Variants in VEGFC observed in about 807,000 individuals in gnomAD.
VEGFC encodes FLT4 ligand DHM.
In VEGFC, 12 loss-of-function variants were observed where a neutral mutation model predicts 46.1. The ratio of observed to expected loss-of-function variants is 0.26; its 90% confidence interval spans 0.17 to 0.42. VEGFC has a LOEUF of 0.42. Among genes scored for constraint, VEGFC ranks in the 10% least tolerant of loss-of-function variants. The pLI, the probability that VEGFC is intolerant of heterozygous loss-of-function variation, is 1.00. For synonymous variants in VEGFC, 232 were observed against 195.5 expected (o/e 1.19, Z -1.56); for missense variants, 488 against 529.4 (o/e 0.92, Z 0.77).
intron 1 of VEGFC, among the ~76,000 whole-genome samples, chr4:176,735,937 T>G (rs1735045921): frequency 1.3e-5 from 2 of 151,896 alleles, no homozygotes; most frequent in Non-Finnish European, 2.9e-5. Context: ...TTCTATAATA[T>G]CTTAAATAGC....
chr4:176,710,640 T>G (rs1406211290), intron 4 of VEGFC, among the ~76,000 whole-genome samples: 2 of 152,186 alleles, frequency 1.3e-5, no homozygotes, highest in African/African-American at 2.4e-5. Flanking sequence ...ATCAATTTAT[T>G]TATACATTTG....
chr4:176,729,588 C>A lies in VEGFC; in HGVS notation c.306G>T (p.Arg102Ser). ...HNREQANLNSRTEETIKFAAA... is the reference protein window; with the variant it reads ...HNREQANLNSSTEETIKFAAA... ...CAGCAAATTTTATAGTCTCTTCTGT[C>A]CTTGAGTTGAGGTTGGCCTGTTCTC... The change falls in exon 2 of 7, where the codon AGG becomes AGT. Residue 102 changes from arginine (R) to serine (S), a missense_variant. By Grantham distance (110) the Arg-to-Ser change is moderately radical. Transcript: ENST00000618562. 1 of 1,613,782 alleles carries A rather than the reference C, an allele frequency of 6.2e-7. No individual in the cohort carries two copies. Among genetic ancestry groups the A allele is most frequent in the Non-Finnish European group, 8.5e-7 (1 of 1,179,914 alleles).
chr4:176,746,738 G>A (rs1735263517), intron 1 of VEGFC, among the ~76,000 whole-genome samples: 1 of 152,072 alleles, frequency 6.6e-6, no homozygotes, highest in South Asian at 2.1e-4. Flanking sequence ...CCAAGAGAAA[G>A]TTGATTGCCA....
chr4:176,732,891 A>T (rs1734991738), intron 1 of VEGFC, among the ~76,000 whole-genome samples: 1 of 151,972 alleles, frequency 6.6e-6, no homozygotes, highest in Admixed American at 6.6e-5. Flanking sequence ...AACAGTGAGA[A>T]AACATTTACA....
At chr4:176,787,025 G>C (rs896670814) in intron 1 of VEGFC, among the ~76,000 whole-genome samples, 19 of 152,114 alleles carry the variant, frequency 1.2e-4, no homozygotes, top group Admixed American at 7.2e-4. Context: ...CCAAAAACAA[G>C]CAGGACTGAT....
intron 1 of VEGFC, among the ~76,000 whole-genome samples, chr4:176,763,680 A>C (rs1735568844): frequency 6.6e-6 from 1 of 152,196 alleles, no homozygotes; most frequent in Non-Finnish European, 1.5e-5. Context: ...CACTGGAAGT[A>C]AAGTAAATAT....
At chr4:176,688,480 C>A (rs549807864) in intron 4 of VEGFC, among the ~76,000 whole-genome samples, 1 of 152,024 alleles carries the variant, frequency 6.6e-6, no homozygotes, top group Non-Finnish European at 1.5e-5. Context: ...AGCACAGATC[C>A]CCATCTTGTA....
chr4:176,687,973 T>G, intron 4 of VEGFC, 46 bp from the exon 5 acceptor site: 1 of 1,104,870 alleles, frequency 9.1e-7, no homozygotes, highest in Non-Finnish European at 1.4e-6. Flanking sequence ...AACTGGTACC[T>G]AGAAGGGACC....
intron 1 of VEGFC, among the ~76,000 whole-genome samples, chr4:176,752,891 A>G (rs951261312): frequency 1.3e-5 from 2 of 152,056 alleles, no homozygotes; most frequent in African/African-American, 2.4e-5. Context: ...TCATTTGATA[A>G]CAACAGTACC....
Position 176,711,360 on chromosome 4 carries a change from A to G in VEGFC, c.704+139T>C, listed in dbSNP as rs527847482. The G allele has an allele frequency of 4.6e-5, 47 of 1,016,736 alleles. No individual in the cohort carries two copies. In the African/African-American group the frequency reaches 7.1e-4, roughly 15 times the overall value. The allele number at this position is 1,016,736 out of a possible 1,614,324, so 63.0% of individuals were successfully genotyped here. ...TTTATTTTCATTGTATACTATACAA[A>G]ATTTTGTCTTTGTTTTGTATTTGAA... On this transcript the variant is annotated intron_variant, in intron 4 of 6. Coordinates refer to ENST00000618562, the MANE Select transcript of VEGFC (RefSeq NM_005429.5).
Position 176,727,962 on chromosome 4 carries a change from T to G in VEGFC, c.368A>C (p.Asp123Ala). 3.1e-6 allele frequency: 5 copies of G among 1,604,280 alleles called. No homozygotes were observed. Among genetic ancestry groups the G allele is most frequent in the Non-Finnish European group, 4.3e-6 (5 of 1,173,924 alleles). ...GCATTGAGTCTTTCTCCACTCATTA[T>G]CAATACCTGTCAAGTCATAGGGAAA... The part of the protein sequence containing the change: ...HYNTEILKSI[D>A]NEWRKTQCMP... Residue 123 changes from aspartate (D) to alanine (A), a missense_variant, in exon 3 of 7, where the codon GAT (aspartate) becomes GCT (alanine). Physicochemically the swap from Asp to Ala is moderately radical, Grantham distance 126 (BLOSUM62 -2). Transcript: ENST00000618562.
In VEGFC at chr4:176,729,489, T is replaced by A. The variant is rs1734925243; in HGVS notation, c.361+44A>T. 2.6e-6 allele frequency: 4 copies of A among 1,543,426 alleles called. No homozygotes were observed. In the Admixed American group the frequency reaches 7.3e-5, roughly 28 times the overall value. ...GAACCAGGCTGGCAACTTCTACTGG[T>A]TTGATATATAAGGCTTACTATACAT... On this transcript the variant is annotated intron_variant, in intron 2 of 6. Transcript: ENST00000618562.
chr4:176,690,311 G>A (rs1579085427), intron 4 of VEGFC, among the ~76,000 whole-genome samples: 1 of 147,472 alleles, frequency 6.8e-6, no homozygotes, highest in East Asian at 2.0e-4. Context: ...GAGAAGTTCT[G>A]TATCATCAGC....
intron 3 of VEGFC, among the ~76,000 whole-genome samples, chr4:176,716,601 A>G (rs958498939): frequency 1.1e-4 from 17 of 150,322 alleles, no homozygotes; most frequent in Non-Finnish European, 1.2e-4. Context: ...AAAAAAAAAA[A>G]AAAAAGAAAA....
chr4:176,768,772 C>A (rs931776388), intron 1 of VEGFC, among the ~76,000 whole-genome samples: 8 of 151,862 alleles, frequency 5.3e-5, no homozygotes, highest in Non-Finnish European at 1.0e-4. Flanking sequence ...TACCTTAGAG[C>A]CTACTGAAAG....
intron 1 of VEGFC, among the ~76,000 whole-genome samples, chr4:176,742,439 A>G (rs1032923737): frequency 3.9e-5 from 6 of 151,958 alleles, no homozygotes; most frequent in African/African-American, 1.4e-4. Context: ...CCTCTTATAT[A>G]GTACCACCCG....
At position 176,792,319 on chromosome 4, in the gene VEGFC, G is replaced by C; in HGVS notation, c.-8C>G. On this transcript the variant is annotated 5_prime_UTR_variant, in exon 1 of 7. Transcript: ENST00000618562. This position sits in a 1 kb window ranked among gnomAD's most constrained non-coding sequence, Gnocchi z 6.3. Reference sequence around the variant, plus strand: ...GAAGCCCAGCAAGTGCATGGTGGAAGGACCGGGGGTGGGGGACCGGTCCGC... The same window carrying C: ...GAAGCCCAGCAAGTGCATGGTGGAACGACCGGGGGTGGGGGACCGGTCCGC... 2 of 1,492,976 alleles carry C rather than the reference G, an allele frequency of 1.3e-6. No individual in the cohort carries two copies. Among genetic ancestry groups the C allele is most frequent in the Non-Finnish European group, 1.8e-6 (2 of 1,123,456 alleles). 92.5% of individuals were successfully genotyped at this position (1,492,976 alleles called of 1,614,324 possible). A position where few individuals can be genotyped will look rare whatever the true frequency, so the allele number is the denominator to read the frequency against.
chr4:176,695,673 CAA>C (rs1734298545), intron 4 of VEGFC, among the ~76,000 whole-genome samples: 1 of 152,038 alleles, frequency 6.6e-6, no homozygotes, highest in South Asian at 2.1e-4. Context: ...AGAGACACAA[CAA>C]AAAAAGAGAA....
rs1457739884 is a variant in VEGFC at position 176,746,947 on chromosome 4, G to A, written c.148-17201C>T. Among the ~76,000 whole-genome samples, 4 of 152,072 alleles carry A rather than the reference G, an allele frequency of 2.6e-5. No homozygotes were observed. In the East Asian group the frequency reaches 7.7e-4, roughly 29 times the overall value. ...AATTTACTCATTGCTTGAGTGCTTC[G>A]ATATCACAGAGATATGCACTTTAAG... is the stretch of plus-strand genomic sequence containing the variant. On this transcript the variant is annotated intron_variant, in intron 1 of 6. Transcript: ENST00000618562.
Sources: gnomAD v4.1 joint callset for allele counts (sites outside exome capture counted in the v4.1 genomes callset) on GRCh38, gnomAD v4.1.1 for gene constraint, Gnocchi (gnomAD v3.1) non-coding constraint, MANE v1.5 for transcripts, NCBI Gene and HGNC (gene_info 2026-07-23, HGNC 2026-07-21) for gene names.